Variants in ERGIC2 observed in about 807,000 individuals in gnomAD.
ERGIC2 encodes the protein ERGIC and golgi 2.
Under a neutral mutation model 52.5 loss-of-function variants are expected in ERGIC2, and 31 were observed. That is an observed-to-expected ratio of 0.59 (90% CI 0.44 to 0.80). ERGIC2 has a LOEUF of 0.80. Among genes scored for constraint, ERGIC2 ranks in the 30% least tolerant of loss-of-function variants. The pLI is 0.00. For synonymous variants in ERGIC2, 129 were observed against 140.6 expected, an observed-to-expected ratio of 0.92 and a Z score of 0.58; for missense variants, 395 against 455.2, an observed-to-expected ratio of 0.87 and a Z score of 1.20.
At position 29,346,080 on chromosome 12, in the gene ERGIC2, A is replaced by G. The variant is rs573519011; in HGVS notation, c.728-540T>C. Among the ~76,000 whole-genome samples the G allele has an allele frequency of 5.1e-3, 784 of 152,248 alleles. 6 individuals are homozygous for G. The highest frequency in any genetic ancestry group is 0.018 in the African/African-American group (745 of 41,540). ...TCGGTAAAACAAGTTCTCAGCAAGC[A>G]TAAGATGGGCAACACAGATGTTTAA... On this transcript the variant is annotated intron_variant, in intron 10 of 13. Transcript: ENST00000360150.
chr12:29,374,056 C>T (rs1940481445), intron 1 of ERGIC2, among the ~76,000 whole-genome samples: 1 of 152,110 alleles, frequency 6.6e-6, no homozygotes, highest in South Asian at 2.1e-4. Context: ...AGAACTCTCC[C>T]TTAAACTCAA....
chr12:29,369,233 G>A (rs1371394260), intron 3 of ERGIC2, among the ~76,000 whole-genome samples: 1 of 151,840 alleles, frequency 6.6e-6, no homozygotes, highest in Non-Finnish European at 1.5e-5. Context: ...GGCGAACTAT[G>A]TAATACATAA....
chr12:29,360,572 CAT>C (rs1267506584), intron 6 of ERGIC2, among the ~76,000 whole-genome samples: 18 of 146,410 alleles, frequency 1.2e-4, no homozygotes, highest in South Asian at 6.4e-4. Flanking sequence ...ATAATATACT[CAT>C]ATATGATATA....
At chr12:29,343,093 T>C (rs1949850363) in intron 12 of ERGIC2, 27 bp downstream of exon 12, 2 of 1,536,086 alleles carry the variant, frequency 1.3e-6, no homozygotes, top group Non-Finnish European at 1.8e-6. Flanking sequence ...CTTTCAGAAA[T>C]TAGACAAAAA....
At chr12:29,349,902 G>T in intron 9 of ERGIC2, 111 bp downstream of exon 9, 1 of 630,156 alleles carries the variant, frequency 1.6e-6, no homozygotes, top group Non-Finnish European at 2.8e-6. Flanking sequence ...TTTTTCCTTT[G>T]GATGAATATG....
At chr12:29,370,853 A>G (rs2136878488) in intron 2 of ERGIC2, among the ~76,000 whole-genome samples, 1 of 152,236 alleles carries the variant, frequency 6.6e-6, no homozygotes, top group African/African-American at 2.4e-5. Context: ...TCTGACAAAA[A>G]GAAAATCTAT....
intron 4 of ERGIC2, among the ~76,000 whole-genome samples, chr12:29,367,585 T>C (rs913383679): frequency 6.6e-6 from 1 of 151,762 alleles, no homozygotes; most frequent in South Asian, 2.1e-4. Flanking sequence ...TCACAGAAAA[T>C]AACCTCTAAT....
intron 6 of ERGIC2, among the ~76,000 whole-genome samples, chr12:29,358,329 A>G (rs1940236799): frequency 1.3e-5 from 2 of 152,182 alleles, no homozygotes; most frequent in African/African-American, 4.8e-5. Context: ...TAATATTCCA[A>G]ATCATCTGTA....
chr12:29,346,046 T>C (rs1009119888), intron 10 of ERGIC2, among the ~76,000 whole-genome samples: 2 of 151,950 alleles, frequency 1.3e-5, no homozygotes, highest in African/African-American at 2.4e-5. Flanking sequence ...GAAAGCAACA[T>C]ATTTATACTC....
chr12:29,366,156 C>A (rs923461854), intron 5 of ERGIC2, among the ~76,000 whole-genome samples: 1 of 151,890 alleles, frequency 6.6e-6, no homozygotes, highest in Non-Finnish European at 1.5e-5. Context: ...AGAACGCATG[C>A]GTAAATTTAA....
In ERGIC2 at chr12:29,338,168, A is replaced by G. The variant is rs1430646142; in HGVS notation, c.*2988T>C. ...CAGCCTAGGCGACAGAGCGAGACTC[A>G]GTTTCAAAAAAAAAAAAAAAAAAAT... On this transcript the variant is annotated 3_prime_UTR_variant, in exon 14 of 14. Transcript: ENST00000360150. The G allele has an allele frequency of 4.8e-5, 7 of 144,682 alleles. No homozygotes were observed. In the South Asian group the frequency reaches 1.5e-3, roughly 32 times the overall value. The allele number at this position is 144,682 out of a possible 1,614,324, so 9.0% of individuals were successfully genotyped here.
chr12:29,375,110 C>A (rs1242833802), intron 1 of ERGIC2, among the ~76,000 whole-genome samples: 1 of 152,132 alleles, frequency 6.6e-6, no homozygotes, highest in African/African-American at 2.4e-5. Context: ...TTTCTTCCCC[C>A]TACCGCATCT....
chr12:29,340,957 C>G lies in ERGIC2; in HGVS notation c.*199G>C, dbSNP rs111537312. On this transcript the variant is annotated 3_prime_UTR_variant, in exon 14 of 14. Transcript: ENST00000360150. ...TCTTCATCGTTTAGCTGCATGATTT[C>G]TTCTACGACATTTGTAACAGACACA... is the stretch of plus-strand genomic sequence containing the variant. 15 of 576,542 alleles carry G rather than the reference C, an allele frequency of 2.6e-5. No individual in the cohort carries two copies. In the Admixed American group the frequency reaches 5.0e-4, roughly 19 times the overall value. The allele number at this position is 576,542 out of a possible 1,614,324, so 35.7% of individuals were successfully genotyped here.
chr12:29,341,686 A>G (rs770545617), intron 13 of ERGIC2, 48 bp downstream of exon 13: 1 of 991,768 alleles, frequency 1.0e-6, no homozygotes, highest in Non-Finnish European at 1.6e-6. Context: ...AGACTTAACA[A>G]TGATTCTAAG....
At chr12:29,379,301 A>AT (rs1940555198) in intron 1 of ERGIC2, among the ~76,000 whole-genome samples, 2 of 152,200 alleles carry the variant, frequency 1.3e-5, no homozygotes, top group Admixed American at 1.3e-4. Flanking sequence ...ATGGGGGTTA[A>AT]TAAGGCACTC....
At chr12:29,363,458 T>C (rs1940313525) in intron 5 of ERGIC2, among the ~76,000 whole-genome samples, 1 of 151,830 alleles carries the variant, frequency 6.6e-6, no homozygotes, top group Non-Finnish European at 1.5e-5. Flanking sequence ...AAGGAATGAA[T>C]AGTTTCCTAA....
Position 29,343,215 on chromosome 12 carries a change from C to T in ERGIC2, c.893G>A (p.Ser298Asn), listed in dbSNP as rs748972851. The change falls in exon 12 of 14, where the codon AGT becomes AAT. Residue 298 changes from serine to asparagine, a missense_variant. Transcript: ENST00000360150. ...VSGIFMKYDL[S>N]SLMVTVTEEH... ...CTCAGTAACTGTCACCATAAGAGAACTGAGATCATATTTCATAAATATCCC... is the reference window on the plus strand; with the variant it reads ...CTCAGTAACTGTCACCATAAGAGAATTGAGATCATATTTCATAAATATCCC... 3.7e-6 allele frequency: 6 copies of T among 1,611,068 alleles called. No homozygotes were observed. In the South Asian group the frequency reaches 5.5e-5, roughly 15 times the overall value.
At chr12:29,358,457 T>C (rs928317241) in intron 6 of ERGIC2, among the ~76,000 whole-genome samples, 1 of 152,132 alleles carries the variant, frequency 6.6e-6, no homozygotes, top group Non-Finnish European at 1.5e-5. Context: ...GTATGGTAGA[T>C]ACATGTCCTT....
At chr12:29,353,589 G>T (rs1326353130) in intron 8 of ERGIC2, among the ~76,000 whole-genome samples, 1 of 151,964 alleles carries the variant, frequency 6.6e-6, no homozygotes, top group African/African-American at 2.4e-5. Context: ...TATTTTGAAT[G>T]CTCCAAATTT....
Sources: gnomAD v4.1 joint callset for allele counts (sites outside exome capture counted in the v4.1 genomes callset) on GRCh38, gnomAD v4.1.1 for gene constraint, MANE v1.5 for transcripts, NCBI Gene and HGNC (gene_info 2026-07-23, HGNC 2026-07-21) for gene names.